The following YWHAQ variants were observed in gnomAD, a reference collection of about 807,000 sequenced individuals.
The protein encoded by YWHAQ is tyrosine 3-monooxygenase/tryptophan 5-monooxygenase activation protein theta, also known as 14-3-3 protein theta.
YWHAQ carries 6 observed loss-of-function variants against 28.3 expected under a neutral mutation model. The observed-to-expected ratio is 0.21, with a 90% CI of 0.12 to 0.42. The LOEUF (loss-of-function observed/expected upper bound fraction) is 0.42, where lower values mean the gene tolerates loss of function less well. Ranked by LOEUF, YWHAQ falls within the 10% of genes least tolerant of loss-of-function variation. The pLI, the probability that YWHAQ is intolerant of heterozygous loss-of-function variation, is 1.00. For synonymous variants in YWHAQ, 143 were observed against 119.1 expected, an observed-to-expected ratio of 1.20 and a Z score of -1.31; for missense variants, 201 against 305.6, an observed-to-expected ratio of 0.66 and a Z score of 2.55.
chr2:9,626,999 G>C lies in YWHAQ; in HGVS notation c.294+3160C>G, dbSNP rs568972132. Among the ~76,000 whole-genome samples the C allele has an allele frequency of 2.6e-4, 40 of 152,270 alleles. No individual in the cohort carries two copies. In the South Asian group the frequency reaches 7.3e-3, roughly 28 times the overall value. On this transcript the variant is annotated intron_variant, in intron 2 of 5. Coordinates refer to ENST00000238081, the MANE Select transcript of YWHAQ (RefSeq NM_006826.4). ...TTAGAAAGTTAAGCCCAAAGTCTTCGGTTTTACAATGACACTGAGAGACAG... is the reference window on the plus strand; with the variant it reads ...TTAGAAAGTTAAGCCCAAAGTCTTCCGTTTTACAATGACACTGAGAGACAG...
chr2:9,630,671 T>G lies in YWHAQ; in HGVS notation c.-82-137A>C. On this transcript the variant is annotated intron_variant, in intron 1 of 5. Transcript: ENST00000238081. The surrounding 1 kb of genome is among the most constrained non-coding windows in gnomAD (Gnocchi z 5.6). ...CCCTCTCCCCCGCCCCCTCCCCCGC[T>G]GGGCACCCGGGGAGGCCGCGGCCCG... 3 of 365,634 alleles carry G rather than the reference T, an allele frequency of 8.2e-6. No individual in the cohort carries two copies. The highest frequency in any genetic ancestry group is 9.6e-6 in the Non-Finnish European group (2 of 208,214). 22.6% of individuals were successfully genotyped at this position (365,634 alleles called of 1,614,324 possible).
At chr2:9,605,599 C>G (rs989492060) in intron 2 of YWHAQ, among the ~76,000 whole-genome samples, 1 of 152,118 alleles carries the variant, frequency 6.6e-6, no homozygotes, top group Non-Finnish European at 1.5e-5. Context: ...CTCAATGCAT[C>G]GCCCATGCTG....
intron 2 of YWHAQ, among the ~76,000 whole-genome samples, chr2:9,593,942 A>T (rs923579929): frequency 6.7e-6 from 1 of 148,174 alleles, no homozygotes; most frequent in African/African-American, 2.5e-5. Flanking sequence ...ACACACACAC[A>T]CTTTTTTAAG....
intron 2 of YWHAQ, among the ~76,000 whole-genome samples, chr2:9,594,586 T>C (rs909984250): frequency 6.6e-6 from 1 of 152,194 alleles, no homozygotes. Context: ...GGAACTCTAA[T>C]GTAAAGTAAG....
chr2:9,625,213 G>A (rs192700279), intron 2 of YWHAQ, among the ~76,000 whole-genome samples: 1 of 150,282 alleles, frequency 6.7e-6, no homozygotes, highest in Admixed American at 6.6e-5. Context: ...AGTGAGCTGA[G>A]ATGGCGCCAC....
At chr2:9,621,443 C>A (rs534342716) in intron 2 of YWHAQ, among the ~76,000 whole-genome samples, 1 of 152,234 alleles carries the variant, frequency 6.6e-6, no homozygotes, top group Non-Finnish European at 1.5e-5. Flanking sequence ...AATATCATAA[C>A]CCCCAATACA....
At chr2:9,620,627 G>T (rs1007860725) in intron 2 of YWHAQ, 17 of 152,174 alleles carry the variant, frequency 1.1e-4, no homozygotes, top group Admixed American at 9.2e-4. Flanking sequence ...AAAGCAGAAA[G>T]ACATTCCAAC....
At chr2:9,608,656 TAAA>T (rs1264670748) in intron 2 of YWHAQ, among the ~76,000 whole-genome samples, 1 of 152,108 alleles carries the variant, frequency 6.6e-6, no homozygotes, top group East Asian at 1.9e-4. Flanking sequence ...TCCACGCTAT[TAAA>T]AATAACAGGC....
At chr2:9,608,700 A>C (rs1388473051) in intron 2 of YWHAQ, among the ~76,000 whole-genome samples, 2 of 152,164 alleles carry the variant, frequency 1.3e-5, no homozygotes, top group African/African-American at 4.8e-5. Flanking sequence ...TGTAATCCCA[A>C]CATTTTGGGA....
At chr2:9,612,007 T>TC (rs1407960437) in intron 2 of YWHAQ, among the ~76,000 whole-genome samples, 2 of 152,164 alleles carry the variant, frequency 1.3e-5, no homozygotes, top group Non-Finnish European at 2.9e-5. Flanking sequence ...TACCAATTAT[T>TC]CCCTCACCCT....
At chr2:9,599,253 A>T (rs2125065601) in intron 2 of YWHAQ, among the ~76,000 whole-genome samples, 1 of 152,358 alleles carries the variant, frequency 6.6e-6, no homozygotes, top group Non-Finnish European at 1.5e-5. Flanking sequence ...GTTGACCGAA[A>T]GAAGTCACCT....
rs554575086 is a variant in YWHAQ at position 9,592,724 on chromosome 2, AAAAAAC to A, written c.295-1215_295-1210del. 5.8e-4 allele frequency among the ~76,000 whole-genome samples: 88 copies of A among 152,268 alleles called. 1 individual carries two copies. In the South Asian group the frequency reaches 0.017, roughly 29 times the overall value. On this transcript the variant is annotated intron_variant, in intron 2 of 5. Transcript: ENST00000238081. ...CGGGTGACAGTGTGGACTCCATCTC[AAAAAAC>A]AAAAACAAAAACAAAAAAAGCTTTT...
chr2:9,629,742 T>A (rs1354606937), intron 2 of YWHAQ, among the ~76,000 whole-genome samples: 2 of 152,074 alleles, frequency 1.3e-5, no homozygotes, highest in East Asian at 3.8e-4. Context: ...TGGGAAAAAA[T>A]CCCTACTACA....
At chr2:9,624,768 CAA>C (rs1667215328) in intron 2 of YWHAQ, among the ~76,000 whole-genome samples, 1 of 150,624 alleles carries the variant, frequency 6.6e-6, no homozygotes, top group South Asian at 2.1e-4. Context: ...TTTTTTGAGA[CAA>C]GAGTTTCGCT....
rs559646006 is a variant in YWHAQ at position 9,592,815 on chromosome 2, C to T, written c.295-1300G>A. On this transcript the variant is annotated intron_variant, in intron 2 of 5. Transcript: ENST00000238081. The stretch of plus-strand genomic sequence containing the variant: ...CATAAAAATGTTAAGATACTAATAC[C>T]TACTTCATTGGTTTGTTTTGAGAAT... Among the ~76,000 whole-genome samples the T allele has an allele frequency of 3.3e-5, 5 of 152,220 alleles. No individual in the cohort carries two copies. In the South Asian group the frequency reaches 8.3e-4, roughly 25 times the overall value.
chr2:9,594,658 A>C (rs1224743695), intron 2 of YWHAQ, among the ~76,000 whole-genome samples: 1 of 152,164 alleles, frequency 6.6e-6, no homozygotes, highest in East Asian at 1.9e-4. Flanking sequence ...ATTCCACAGG[A>C]TCTCCAAAAA....
intron 2 of YWHAQ, among the ~76,000 whole-genome samples, chr2:9,593,236 C>CTTTTTTTTTT (rs34085406): frequency 8.7e-6 from 1 of 114,962 alleles, no homozygotes; most frequent in African/African-American, 3.2e-5. Context: ...GCATCCATGT[C>CTTTTTTTTTT]TTTTTTTTTT....
Position 9,630,140 on chromosome 2 carries a change from C to T in YWHAQ, c.294+19G>A, listed in dbSNP as rs746945960. 3.7e-6 allele frequency: 6 copies of T among 1,600,740 alleles called. No individual in the cohort carries two copies. The African/African-American group carries it at 8.0e-5, about 21-fold the overall frequency. ...CATCTCACAAAAGGCCTCCCCTGCT[C>T]CCCGCGCCGAGGACTCACCAGCACC... is the stretch of plus-strand genomic sequence containing the variant. On this transcript the variant is annotated intron_variant, in intron 2 of 5. Transcript: ENST00000238081. The surrounding 1 kb of genome is among the most constrained non-coding windows in gnomAD (Gnocchi z 5.6).
At chr2:9,624,715 G>A (rs11888451) in intron 2 of YWHAQ, among the ~76,000 whole-genome samples, 4,357 of 151,904 alleles carry the variant, frequency 0.029, 205 homozygotes, top group African/African-American at 0.096. Context: ...TGAGTGACAC[G>A]AACCTAACCT....
Sources: allele counts gnomAD v4.1 joint callset (sites outside exome capture counted in the v4.1 genomes callset), GRCh38; gene constraint gnomAD v4.1.1; non-coding constraint Gnocchi (gnomAD v3.1); transcripts MANE v1.5; gene names NCBI Gene and HGNC (gene_info 2026-07-23, HGNC 2026-07-21).